Variants in ATG5 observed in about 807,000 individuals in gnomAD.
ATG5 encodes the protein autophagy related 5.
ATG5 carries 14 observed loss-of-function variants against 36.5 expected under a neutral mutation model. That is an observed-to-expected ratio of 0.38 (90% CI 0.25 to 0.60). The LOEUF is 0.60. Ranked by LOEUF, ATG5 falls within the 20% of genes least tolerant of loss-of-function variation. The pLI is 0.60. For missense variants in ATG5, 195 were observed against 326.7 expected (o/e 0.60, Z 3.11); for synonymous variants, 95 against 101.5 (o/e 0.94, Z 0.38).
At chr6:106,281,813 G>A (rs1339614316) in intron 4 of ATG5, among the ~76,000 whole-genome samples, 1 of 152,118 alleles carries the variant, frequency 6.6e-6, no homozygotes, top group Non-Finnish European at 1.5e-5. Flanking sequence ...AAGAGTTCTG[G>A]TTACTCCGTG....
chr6:106,196,082 T>C (rs1776174121), intron 7 of ATG5, among the ~76,000 whole-genome samples: 1 of 152,116 alleles, frequency 6.6e-6, no homozygotes, highest in African/African-American at 2.4e-5. Flanking sequence ...ATAATCACCA[T>C]TTAAAAAATT....
In ATG5 at chr6:106,210,193, G is replaced by T. The variant is rs192260322; in HGVS notation, c.574-8104C>A. Among the ~76,000 whole-genome samples, 8 of 152,326 alleles carry T rather than the reference G, an allele frequency of 5.3e-5. No individual in the cohort carries two copies. In the East Asian group the frequency reaches 1.5e-3, roughly 29 times the overall value. Reference sequence around the variant, plus strand: ...AAGGTGGGGACTCAAGACTCAGGTAGCAGGAAAAGCCCCTTAGGTGATCCT... The same window carrying T: ...AAGGTGGGGACTCAAGACTCAGGTATCAGGAAAAGCCCCTTAGGTGATCCT... On this transcript the variant is annotated intron_variant, in intron 6 of 7. Coordinates refer to ENST00000369076, the MANE Select transcript of ATG5 (RefSeq NM_004849.4).
At chr6:106,225,476 CA>C (rs1370451096) in intron 6 of ATG5, among the ~76,000 whole-genome samples, 1 of 150,912 alleles carries the variant, frequency 6.6e-6, no homozygotes, top group Non-Finnish European at 1.5e-5. Flanking sequence ...AGAAAGAATA[CA>C]TTTTTTAAAA....
chr6:106,281,798 T>C (rs1013938112), intron 4 of ATG5, among the ~76,000 whole-genome samples: 8 of 152,208 alleles, frequency 5.3e-5, no homozygotes, highest in Admixed American at 3.3e-4. Context: ...CCACTAGCAA[T>C]GTATAAGAGT....
At chr6:106,268,980 G>A (rs1165837271) in intron 5 of ATG5, among the ~76,000 whole-genome samples, 1 of 152,158 alleles carries the variant, frequency 6.6e-6, no homozygotes, top group African/African-American at 2.4e-5. Flanking sequence ...AAACCACCAT[G>A]GCACATGCAT....
chr6:106,266,770 A>G (rs557517596), intron 5 of ATG5, among the ~76,000 whole-genome samples: 41 of 152,348 alleles, frequency 2.7e-4, no homozygotes, highest in African/African-American at 9.9e-4. Context: ...CTCTCAATAG[A>G]TGCAGAAAAG....
intron 6 of ATG5, among the ~76,000 whole-genome samples, chr6:106,235,708 G>A (rs1223582048): frequency 1.3e-5 from 2 of 152,092 alleles, no homozygotes; most frequent in Non-Finnish European, 1.5e-5. Context: ...GACAATGATC[G>A]GGATATAAAC....
intron 2 of ATG5, among the ~76,000 whole-genome samples, chr6:106,308,898 C>T (rs1287027652): frequency 6.6e-6 from 1 of 152,108 alleles, no homozygotes; most frequent in Non-Finnish European, 1.5e-5. Flanking sequence ...CTAAAGTATA[C>T]TTTGACTTAT....
chr6:106,272,837 A>C (rs1397035917), intron 5 of ATG5, among the ~76,000 whole-genome samples: 1 of 152,342 alleles, frequency 6.6e-6, no homozygotes, highest in East Asian at 1.9e-4. Flanking sequence ...GTTGTTTCCA[A>C]GACTTGATTA....
chr6:106,319,615 A>G (rs1360011317), intron 1 of ATG5, among the ~76,000 whole-genome samples: 2 of 152,118 alleles, frequency 1.3e-5, no homozygotes, highest in African/African-American at 2.4e-5. Context: ...CCCAGCTCAA[A>G]ATAACCTTTC....
At chr6:106,205,921 T>C (rs1302418498) in intron 6 of ATG5, among the ~76,000 whole-genome samples, 1 of 152,236 alleles carries the variant, frequency 6.6e-6, no homozygotes, top group Non-Finnish European at 1.5e-5. Context: ...AAAAATCTGA[T>C]GAACATTTTC....
At chr6:106,296,407 A>G (rs1769935248) in intron 3 of ATG5, among the ~76,000 whole-genome samples, 1 of 152,242 alleles carries the variant, frequency 6.6e-6, no homozygotes, top group Non-Finnish European at 1.5e-5. Context: ...AAGACACTAA[A>G]ACAGTAAGAA....
chr6:106,255,459 T>A (rs888213698), intron 5 of ATG5, among the ~76,000 whole-genome samples: 1 of 152,080 alleles, frequency 6.6e-6, no homozygotes, highest in East Asian at 1.9e-4. Flanking sequence ...AGAAAATTAA[T>A]CTTATTAAGT....
chr6:106,258,400 C>T (rs1283809566), intron 5 of ATG5, among the ~76,000 whole-genome samples: 2 of 151,902 alleles, frequency 1.3e-5, no homozygotes, highest in Non-Finnish European at 2.9e-5. Context: ...GTCAAAAGTG[C>T]TATTAAAAAC....
chr6:106,238,563 T>C (rs1233138987), intron 6 of ATG5, among the ~76,000 whole-genome samples: 1 of 152,150 alleles, frequency 6.6e-6, no homozygotes, highest in Non-Finnish European at 1.5e-5. Flanking sequence ...TGGAGAAAGC[T>C]AGAACCTCTA....
At chr6:106,248,544 T>C (rs1458419353) in intron 5 of ATG5, among the ~76,000 whole-genome samples, 1 of 152,148 alleles carries the variant, frequency 6.6e-6, no homozygotes, top group Non-Finnish European at 1.5e-5. Context: ...ACACACCAGG[T>C]AGAGGATAGA....
At chr6:106,244,177 GCTT>G (rs1276530022) in intron 6 of ATG5, among the ~76,000 whole-genome samples, 1 of 151,824 alleles carries the variant, frequency 6.6e-6, no homozygotes, top group African/African-American at 2.4e-5. Context: ...TGTTTTATCA[GCTT>G]CTTGTTTTTT....
intron 4 of ATG5, among the ~76,000 whole-genome samples, chr6:106,288,115 C>A (rs1412819578): frequency 1.3e-5 from 2 of 151,182 alleles, no homozygotes. Context: ...AGATTACAGG[C>A]ACCTACCACC....
intron 4 of ATG5, among the ~76,000 whole-genome samples, chr6:106,281,497 C>T (rs1196146528): frequency 6.6e-6 from 1 of 152,184 alleles, no homozygotes; most frequent in Admixed American, 6.5e-5. Context: ...TGTTACTACA[C>T]ATATCAGTAA....
Sources: gnomAD v4.1 joint callset for allele counts (sites outside exome capture counted in the v4.1 genomes callset) on GRCh38, gnomAD v4.1.1 for gene constraint, MANE v1.5 for transcripts, NCBI Gene and HGNC (gene_info 2026-07-23, HGNC 2026-07-21) for gene names.